Variants in GALNT13 observed in about 807,000 individuals in gnomAD.
GALNT13 encodes the protein polypeptide N-acetylgalactosaminyltransferase 13.
Under a neutral mutation model 64.2 loss-of-function variants are expected in GALNT13, and 28 were observed. The observed-to-expected ratio is 0.44, with a 90% confidence interval of 0.32 to 0.60. GALNT13 has a LOEUF of 0.60. Ranked by LOEUF, GALNT13 falls within the 20% of genes least tolerant of loss-of-function variation. GALNT13 has a pLI of 0.05. For missense variants in GALNT13, 577 were observed against 669.8 expected (o/e 0.86, Z 1.53); for synonymous variants, 214 against 224.6 (o/e 0.95, Z 0.42).
At chr2:154,436,389 A>G (rs1429226599) in intron 11 of GALNT13, 1 of 152,230 alleles carries the variant, frequency 6.6e-6, no homozygotes, top group Non-Finnish European at 1.5e-5. Context: ...TTTCCAAACT[A>G]TCTTAAGACA....
Position 154,408,990 on chromosome 2 carries a change from A to G in GALNT13, c.1303A>G (p.Asn435Asp), listed in dbSNP as rs753368428. Residue 435 changes from asparagine (N) to aspartate (D), a missense_variant, in exon 11 of 13, where the codon AAT becomes GAT. Physicochemically the swap from Asn to Asp is conservative, Grantham distance 23. Around this residue, in one of 3 missense-constraint regions of GALNT13, gnomAD observed 232 missense variants for 270.6 expected, o/e 0.86. Coordinates refer to ENST00000392825, the MANE Select transcript of GALNT13 (RefSeq NM_052917.4). Reference sequence around the variant, plus strand: ...TTTTGTGTGTTTCCTTTAGATAAGAAATGTTGAAACCAATCAGTGTTTAGA... The same window carrying G: ...TTTTGTGTGTTTCCTTTAGATAAGAGATGTTGAAACCAATCAGTGTTTAGA... ...RRYYSLGEIR[N>D]VETNQCLDNM... The G allele has an allele frequency of 1.2e-6, 2 of 1,604,278 alleles. No individual in the cohort carries two copies. Among genetic ancestry groups the G allele is most frequent in the Admixed American group, 1.7e-5 (1 of 59,566 alleles).
At chr2:154,071,505 A>G (rs1471764351) in intron 3 of GALNT13, among the ~76,000 whole-genome samples, 1 of 152,182 alleles carries the variant, frequency 6.6e-6, no homozygotes, top group Non-Finnish European at 1.5e-5. Context: ...TATTTTTATA[A>G]TTCTAAATAT....
the GALNT13 span, among the ~76,000 whole-genome samples, chr2:153,510,836 G>A: frequency 6.6e-6 from 1 of 151,960 alleles, no homozygotes; most frequent in South Asian, 2.1e-4. Flanking sequence ...CAGGAGAGCC[G>A]TGGTGTAGGT....
intron 9 of GALNT13, among the ~76,000 whole-genome samples, chr2:154,344,956 G>A (rs1034825258): frequency 2.0e-5 from 3 of 151,880 alleles, no homozygotes; most frequent in Admixed American, 2.0e-4. Flanking sequence ...GCTAAAAATA[G>A]GGTCAAAAAT....
intron 4 of GALNT13, among the ~76,000 whole-genome samples, chr2:154,188,014 T>TTCTCTCTCTC (rs10635676): frequency 9.7e-4 from 140 of 144,436 alleles, no homozygotes; most frequent in African/African-American, 2.6e-3. Flanking sequence ...GCATCAGGCA[T>TTCTCTCTCTC]TCTCTCTCTC....
intron 9 of GALNT13, among the ~76,000 whole-genome samples, chr2:154,335,285 C>T (rs1165698579): frequency 6.6e-6 from 1 of 151,960 alleles, no homozygotes; most frequent in Non-Finnish European, 1.5e-5. Context: ...ATATACATTT[C>T]ATCATAACTC....
intron 4 of GALNT13, among the ~76,000 whole-genome samples, chr2:154,189,072 C>T (rs911036502): frequency 2.6e-5 from 4 of 152,026 alleles, no homozygotes; most frequent in South Asian, 2.1e-4. Flanking sequence ...TTAAGGAAAA[C>T]GTTTGGAACT....
In GALNT13 at chr2:154,248,165, T is replaced by C. The variant is rs137927652; in HGVS notation, c.857+2183T>C. Among the ~76,000 whole-genome samples the C allele has an allele frequency of 3.3e-3, 503 of 152,224 alleles. 4 individuals carry two copies. Among genetic ancestry groups the C allele is most frequent in the African/African-American group, 0.012 (490 of 41,564 alleles). On this transcript the variant is annotated intron_variant, in intron 7 of 12. Transcript: ENST00000392825. ...TGATAGAACTTTGTAGTCACCATAA[T>C]TGGCTAGTCATCATTTAGAAATACA...
At chr2:154,158,122 G>A (rs754789479) in intron 4 of GALNT13, among the ~76,000 whole-genome samples, 6 of 151,970 alleles carry the variant, frequency 3.9e-5, no homozygotes, top group African/African-American at 7.3e-5. Context: ...CCCTGATATC[G>A]AGAATTGAAC....
At chr2:154,360,948 G>A (rs985741211) in intron 9 of GALNT13, among the ~76,000 whole-genome samples, 13 of 152,108 alleles carry the variant, frequency 8.5e-5, no homozygotes, top group Admixed American at 2.6e-4. Flanking sequence ...AGTGAAGATG[G>A]GGTTGGTTAA....
At chr2:153,350,384 C>CTTTTTTTTTTT in the GALNT13 span, among the ~76,000 whole-genome samples, 1 of 129,970 alleles carries the variant, frequency 7.7e-6, no homozygotes, top group Non-Finnish European at 1.6e-5. Flanking sequence ...TTCTTTCTTT[C>CTTTTTTTTTTT]TTTTTTTTTT....
At position 154,387,859 on chromosome 2, in the gene GALNT13, T is replaced by C. The variant is rs565536514; in HGVS notation, c.1157-8132T>C. ...TTAGGTTGATCCCATTTCTTGGCTA[T>C]TGTGAATAATGCTGCAGTGAACAAG... is the stretch of plus-strand genomic sequence containing the variant. On this transcript the variant is annotated intron_variant, in intron 9 of 12. Coordinates refer to ENST00000392825, the MANE Select transcript of GALNT13 (RefSeq NM_052917.4). Among the ~76,000 whole-genome samples, 9 of 152,308 alleles carry C rather than the reference T, an allele frequency of 5.9e-5. No homozygotes were observed. The East Asian group carries it at 1.7e-3, about 29-fold the overall frequency.
chr2:153,092,979 G>C, the GALNT13 span, among the ~76,000 whole-genome samples: 1 of 151,836 alleles, frequency 6.6e-6, no homozygotes, highest in African/African-American at 2.4e-5. Context: ...TATATTAGCT[G>C]TTGGTCTGTC....
chr2:154,065,053 A>T (rs977180922), intron 3 of GALNT13, among the ~76,000 whole-genome samples: 2 of 151,986 alleles, frequency 1.3e-5, no homozygotes, highest in Non-Finnish European at 2.9e-5. Context: ...CTGACTGAAG[A>T]TCCCTTGGGC....
the GALNT13 span, among the ~76,000 whole-genome samples, chr2:153,709,108 G>T: frequency 6.6e-6 from 1 of 151,928 alleles, no homozygotes; most frequent in Non-Finnish European, 1.5e-5. Context: ...AAAGCACAGA[G>T]AATGAAAGGA....
intron 2 of GALNT13, among the ~76,000 whole-genome samples, chr2:153,929,396 T>C (rs1690356260): frequency 6.6e-6 from 1 of 152,132 alleles, no homozygotes; most frequent in Non-Finnish European, 1.5e-5. Flanking sequence ...GTTCGTTACA[T>C]GGGTAAATTA....
chr2:153,607,617 A>T, the GALNT13 span, among the ~76,000 whole-genome samples: 1 of 152,174 alleles, frequency 6.6e-6, no homozygotes, highest in African/African-American at 2.4e-5. Flanking sequence ...TTTTACCTAA[A>T]TCTTTTTTAA....
chr2:154,449,364 C>T (rs1235087136), intron 12 of GALNT13, among the ~76,000 whole-genome samples: 3 of 145,886 alleles, frequency 2.1e-5, no homozygotes, highest in Non-Finnish European at 4.5e-5. Flanking sequence ...TGTTCCTCTA[C>T]CATTTTTATG....
the GALNT13 span, among the ~76,000 whole-genome samples, chr2:153,532,447 G>A: frequency 6.6e-6 from 1 of 152,148 alleles, no homozygotes; most frequent in African/African-American, 2.4e-5. Flanking sequence ...CTCTGGACCT[G>A]TGATTGGAGA....
Sources: gnomAD v4.1 joint callset for allele counts (sites outside exome capture counted in the v4.1 genomes callset) on GRCh38, gnomAD v4.1.1 for gene constraint, gnomAD v4.1.1 regional missense constraint, MANE v1.5 for transcripts, NCBI Gene and HGNC (gene_info 2026-07-23, HGNC 2026-07-21) for gene names.